DPP6: variants seen among roughly 807,000 people sequenced by gnomAD.
The protein encoded by DPP6 is dipeptidyl peptidase like 6.
DPP6 carries 69 observed loss-of-function variants against 122.6 expected under a neutral mutation model. The observed-to-expected ratio is 0.56, with a 90% CI of 0.46 to 0.69. The LOEUF (loss-of-function observed/expected upper bound fraction) is 0.69. DPP6 is among the 30% of genes least tolerant of loss of function. DPP6 has a pLI of 0.00. For synonymous variants in DPP6, 418 were observed against 433.1 expected (o/e 0.97, Z 0.43); for missense variants, 928 against 1,116.9 (o/e 0.83, Z 2.41).
Position 154,241,017 on chromosome 7 carries a change from C to G in DPP6, c.243+187954C>G, listed in dbSNP as rs1029074588. Among the ~76,000 whole-genome samples, 3 of 152,068 alleles carry G rather than the reference C, an allele frequency of 2.0e-5. No individual in the cohort carries two copies. Among genetic ancestry groups the G allele is most frequent in the Non-Finnish European group, 4.4e-5 (3 of 68,010 alleles). On this transcript the variant is annotated intron_variant, in intron 1 of 25. Coordinates refer to ENST00000377770, the MANE Select transcript of DPP6 (RefSeq NM_130797.4). This position sits in a 1 kb window ranked among gnomAD's most constrained non-coding sequence, Gnocchi z 9.0. ...AGGAATTCAACCTAAGAATAGTAGG[C>G]CAGCTCATTCTCAGTCATTATGTGA... is the stretch of plus-strand genomic sequence containing the variant.
At chr7:154,108,424 A>T (rs991995934) in intron 1 of DPP6, among the ~76,000 whole-genome samples, 1 of 152,186 alleles carries the variant, frequency 6.6e-6, no homozygotes, top group Admixed American at 6.5e-5. Flanking sequence ...CACTCCAGGG[A>T]TCATCTGCTG....
intron 4 of DPP6, among the ~76,000 whole-genome samples, chr7:154,566,308 T>A (rs11762096): frequency 0.072 from 10,987 of 152,202 alleles, 494 homozygotes; most frequent in East Asian, 0.14. Flanking sequence ...TGAGATGGAA[T>A]TTCACTCTTG....
At chr7:154,860,187 C>T (rs1037895036) in intron 17 of DPP6, among the ~76,000 whole-genome samples, 1 of 152,116 alleles carries the variant, frequency 6.6e-6, no homozygotes, top group Non-Finnish European at 1.5e-5. Context: ...CTGGGCGCAC[C>T]CCTGCCCCAC....
rs539953046 is a variant in DPP6 at position 154,877,626 on chromosome 7, T to C, written c.2078+1526T>C. Among the ~76,000 whole-genome samples the C allele has an allele frequency of 3.0e-4, 45 of 152,116 alleles. No individual in the cohort carries two copies. Among genetic ancestry groups the C allele is most frequent in the Non-Finnish European group, 6.2e-4 (42 of 68,026 alleles). The stretch of plus-strand genomic sequence containing the variant: ...CCCTCAGTAGCACCTGGCTCCATGC[T>C]TCGTCATCTACCTCCAGCAGGTTGG... On this transcript the variant is annotated intron_variant, in intron 20 of 25. Transcript: ENST00000377770. The surrounding 1 kb of genome is among the most constrained non-coding windows in gnomAD (Gnocchi z 5.2).
intron 6 of DPP6, among the ~76,000 whole-genome samples, chr7:154,648,216 C>T (rs577548568): frequency 3.3e-5 from 5 of 151,198 alleles, no homozygotes; most frequent in South Asian, 4.2e-4. Flanking sequence ...TACAGTGAGC[C>T]GAGATTGTGC....
rs553417101 is a variant in DPP6, at chr7:154,230,751, T to A, written c.243+177688T>A. On this transcript the variant is annotated intron_variant, in intron 1 of 25. Coordinates refer to ENST00000377770, the MANE Select transcript of DPP6 (RefSeq NM_130797.4). Reference sequence around the variant, plus strand: ...TTTATCCAAAAGTGGCCTTGCAGATTTTCTGATTCATGTCTTTTTGCCACT... The same window carrying A: ...TTTATCCAAAAGTGGCCTTGCAGATATTCTGATTCATGTCTTTTTGCCACT... Among the ~76,000 whole-genome samples the A allele has an allele frequency of 2.6e-5, 4 of 152,364 alleles. No homozygotes were observed. In the East Asian group the frequency reaches 7.7e-4, roughly 29 times the overall value.
At chr7:154,438,079 C>T (rs757176440) in intron 1 of DPP6, among the ~76,000 whole-genome samples, 12 of 152,268 alleles carry the variant, frequency 7.9e-5, no homozygotes, top group East Asian at 1.9e-4. Flanking sequence ...AGGGAGCAGG[C>T]GCTGGATGAA....
intron 9 of DPP6, among the ~76,000 whole-genome samples, chr7:154,770,036 C>A (rs1448417611): frequency 1.3e-5 from 2 of 152,140 alleles, no homozygotes; most frequent in Non-Finnish European, 1.5e-5. Context: ...AAAATCCTAA[C>A]CCCCAAGGTG....
intron 4 of DPP6, among the ~76,000 whole-genome samples, chr7:154,564,043 G>A (rs1271632166): frequency 2.6e-5 from 4 of 152,162 alleles, no homozygotes; most frequent in African/African-American, 9.7e-5. Flanking sequence ...AAGAACCAGC[G>A]AGGGAGGTAG....
chr7:154,061,777 G>T (rs1263342680), intron 1 of DPP6, among the ~76,000 whole-genome samples: 3 of 136,376 alleles, frequency 2.2e-5, no homozygotes, highest in African/African-American at 5.6e-5. Context: ...CCCATCGCAG[G>T]GAGGGAGGCA....
intron 2 of DPP6, among the ~76,000 whole-genome samples, chr7:154,447,134 C>T (rs10278400): frequency 0.048 from 7,265 of 152,126 alleles, 201 homozygotes; most frequent in East Asian, 0.13. Flanking sequence ...GGTGAAACCT[C>T]GTCTCTACTA....
At chr7:154,694,622 A>C (rs200529952) in intron 7 of DPP6, among the ~76,000 whole-genome samples, 2 of 150,656 alleles carry the variant, frequency 1.3e-5, no homozygotes, top group Admixed American at 6.6e-5. Flanking sequence ...CAAAAAAAAA[A>C]CCAGAAGGCA....
At chr7:154,130,017 A>C (rs901743715) in intron 1 of DPP6, among the ~76,000 whole-genome samples, 20 of 150,670 alleles carry the variant, frequency 1.3e-4, no homozygotes, top group African/African-American at 4.7e-4. Context: ...CGGAGGTTGC[A>C]GTGGGAGGTT....
At chr7:153,905,809 G>A (rs1032206218) in intron 1 of DPP6, among the ~76,000 whole-genome samples, 2 of 152,204 alleles carry the variant, frequency 1.3e-5, no homozygotes, top group Non-Finnish European at 2.9e-5. Context: ...GTCCGTGGGA[G>A]CAATGGGGAG....
intron 3 of DPP6, among the ~76,000 whole-genome samples, chr7:154,479,655 C>T (rs1043536898): frequency 7.2e-5 from 11 of 151,952 alleles, no homozygotes; most frequent in Admixed American, 1.3e-4. Flanking sequence ...CACAGCATTG[C>T]CTCTCCAAGT....
chr7:154,577,002 G>C (rs1831724209), intron 5 of DPP6, among the ~76,000 whole-genome samples: 1 of 152,178 alleles, frequency 6.6e-6, no homozygotes, highest in African/African-American at 2.4e-5. Flanking sequence ...TGGAAGGGTA[G>C]AGTGGGGATA....
chr7:154,452,987 C>T (rs977441072), intron 2 of DPP6, among the ~76,000 whole-genome samples: 4 of 152,158 alleles, frequency 2.6e-5, no homozygotes, highest in African/African-American at 9.7e-5. Flanking sequence ...GAATAATAGG[C>T]TCAACGTTAC....
At chr7:154,564,801 T>A (rs527985902) in intron 4 of DPP6, among the ~76,000 whole-genome samples, 208 of 152,356 alleles carry the variant, frequency 1.4e-3, no homozygotes, top group Admixed American at 3.6e-3. Flanking sequence ...TTCTCAGGCA[T>A]AGTGGCAGAA....
chr7:154,392,910 C>G (rs1016217385), intron 1 of DPP6, among the ~76,000 whole-genome samples: 1 of 152,116 alleles, frequency 6.6e-6, no homozygotes, highest in Non-Finnish European at 1.5e-5. Context: ...GCTGCCTACT[C>G]GGGAGACATC....
Sources: gnomAD v4.1 joint callset for allele counts (sites outside exome capture counted in the v4.1 genomes callset) on GRCh38, gnomAD v4.1.1 for gene constraint, Gnocchi (gnomAD v3.1) non-coding constraint, MANE v1.5 for transcripts, NCBI Gene and HGNC (gene_info 2026-07-23, HGNC 2026-07-21) for gene names.